The following MCTP1 variants were observed in gnomAD, a reference collection of about 807,000 sequenced individuals.
MCTP1 encodes the protein multiple C2 and transmembrane domain-containing protein 1.
In MCTP1, 69 loss-of-function variants were observed where a neutral mutation model predicts 120.6. The observed-to-expected ratio is 0.57, with a 90% CI of 0.47 to 0.70. The LOEUF is 0.70. MCTP1 is among the 30% of genes least tolerant of loss of function. The pLI is 0.00. For missense variants in MCTP1, 1,203 were observed against 1,248.8 expected (o/e 0.96, Z 0.55); for synonymous variants, 529 against 493.1 (o/e 1.07, Z -0.96).
chr5:95,133,391 G>A (rs1020452014), intron 1 of MCTP1, among the ~76,000 whole-genome samples: 2 of 152,124 alleles, frequency 1.3e-5, no homozygotes, highest in African/African-American at 4.8e-5. Context: ...CTGTAATAAG[G>A]CCGGGTGCAG....
At chr5:95,228,131 G>T (rs184006820) in intron 1 of MCTP1, among the ~76,000 whole-genome samples, 137 of 152,264 alleles carry the variant, frequency 9.0e-4, no homozygotes, top group African/African-American at 3.0e-3. Context: ...AATGATGTTT[G>T]AGACTTTGAA....
At chr5:94,774,207 CAAAAAAAAAAAAAAAAAAAA>C (rs70978130) in intron 19 of MCTP1, among the ~76,000 whole-genome samples, 14 of 4,182 alleles carry the variant, frequency 3.3e-3, no homozygotes, top group Non-Finnish European at 3.7e-3. Context: ...GACTCCGTCT[CAAAAAAAAAAAAAAAAAAAA>C]AAAAAAAAAA....
At chr5:95,107,685 G>T (rs1035936083) in intron 1 of MCTP1, among the ~76,000 whole-genome samples, 1 of 152,150 alleles carries the variant, frequency 6.6e-6, no homozygotes, top group African/African-American at 2.4e-5. Flanking sequence ...AATCTATAAA[G>T]TTCTACGAAT....
intron 19 of MCTP1, among the ~76,000 whole-genome samples, chr5:94,778,186 C>T (rs1561619806): frequency 6.7e-6 from 1 of 148,886 alleles, no homozygotes; most frequent in Non-Finnish European, 1.5e-5. Context: ...CTCCTTTCTT[C>T]AAAAAAAAAA....
intron 5 of MCTP1, among the ~76,000 whole-genome samples, chr5:94,936,322 T>A (rs563501898): frequency 3.3e-5 from 5 of 152,162 alleles, no homozygotes; most frequent in South Asian, 2.1e-4. Flanking sequence ...TTTCCCCTTG[T>A]ATCAGTGATA....
At chr5:94,933,453 T>C (rs32911) in intron 5 of MCTP1, among the ~76,000 whole-genome samples, 50,468 of 151,338 alleles carry the variant, frequency 0.33, 9,238 homozygotes, top group South Asian at 0.46. Flanking sequence ...AAACCAAATA[T>C]TTAAGTGGTA....
In MCTP1 at chr5:95,136,786, A is replaced by G. The variant is rs142731329; in HGVS notation, c.721-119302T>C. Among the ~76,000 whole-genome samples the G allele has an allele frequency of 2.8e-4, 43 of 152,328 alleles. 1 individual carries two copies. The highest frequency in any genetic ancestry group is 9.6e-4 in the African/African-American group (40 of 41,580). ...CACAATTAGGAAGAGGCACAGCCAG[A>G]GCACTAACAGAGGTCTAGATGCCTT... On this transcript the variant is annotated intron_variant, in intron 1 of 22. Transcript: ENST00000515393.
At chr5:94,956,852 A>G (rs999179846) in intron 2 of MCTP1, among the ~76,000 whole-genome samples, 3 of 152,220 alleles carry the variant, frequency 2.0e-5, no homozygotes, top group Non-Finnish European at 4.4e-5. Context: ...ACTTCAGGAT[A>G]TCCAGGAGAA....
At chr5:94,910,127 T>C (rs1231113289) in intron 9 of MCTP1, among the ~76,000 whole-genome samples, 1 of 150,978 alleles carries the variant, frequency 6.6e-6, no homozygotes, top group Non-Finnish European at 1.5e-5. Flanking sequence ...TATGTATGTA[T>C]ACATGTATAT....
chr5:94,918,088 T>C (rs1355209125), intron 7 of MCTP1, 115 bp from the exon 8 acceptor site: 3 of 735,930 alleles, frequency 4.1e-6, no homozygotes, highest in Admixed American at 2.4e-5. Context: ...AGAAAATTTG[T>C]ATTTGCTTCT....
At chr5:95,235,665 A>G (rs934178651) in intron 1 of MCTP1, among the ~76,000 whole-genome samples, 8 of 152,184 alleles carry the variant, frequency 5.3e-5, no homozygotes, top group African/African-American at 1.9e-4. Flanking sequence ...TAACTGTATC[A>G]CATTGTGATA....
At chr5:95,138,791 C>G (rs1759663103) in intron 1 of MCTP1, among the ~76,000 whole-genome samples, 1 of 152,196 alleles carries the variant, frequency 6.6e-6, no homozygotes, top group Non-Finnish European at 1.5e-5. Context: ...AGGGTGTTGT[C>G]ACTGCCTCTA....
chr5:94,816,831 T>C (rs1010370417), intron 17 of MCTP1, among the ~76,000 whole-genome samples: 1 of 152,164 alleles, frequency 6.6e-6, no homozygotes, highest in South Asian at 2.1e-4. Context: ...ATTCTAAATA[T>C]ATAAAGATTA....
At chr5:94,812,926 G>C (rs1783746300) in intron 17 of MCTP1, among the ~76,000 whole-genome samples, 1 of 145,092 alleles carries the variant, frequency 6.9e-6, no homozygotes, top group South Asian at 2.2e-4. Flanking sequence ...CTCTCTCTCT[G>C]TATAAATGTC....
intron 2 of MCTP1, chr5:94,978,969 G>C (rs1298609491): frequency 2.0e-5 from 3 of 152,044 alleles, no homozygotes; most frequent in Non-Finnish European, 2.9e-5. Flanking sequence ...AGCTGTTTGA[G>C]ATCCCTGACA....
intron 1 of MCTP1, among the ~76,000 whole-genome samples, chr5:95,234,691 G>A (rs573761166): frequency 1.1e-4 from 16 of 152,190 alleles, no homozygotes; most frequent in African/African-American, 3.6e-4. Flanking sequence ...ATTAAAAGGA[G>A]AATAATGGAA....
At chr5:94,942,466 T>G in intron 3 of MCTP1, 39 bp from the exon 4 acceptor site, 1 of 1,412,902 alleles carries the variant, frequency 7.1e-7, no homozygotes, top group South Asian at 1.2e-5. Flanking sequence ...TATAAATATC[T>G]CCAATATAAG....
chr5:95,023,292 G>A (rs1254123450), intron 1 of MCTP1, among the ~76,000 whole-genome samples: 1 of 152,194 alleles, frequency 6.6e-6, no homozygotes, highest in Non-Finnish European at 1.5e-5. Flanking sequence ...TAAGAGGGAT[G>A]AGAGTAGAGA....
intron 6 of MCTP1, among the ~76,000 whole-genome samples, chr5:94,926,085 T>C (rs571980804): frequency 9.8e-4 from 150 of 152,324 alleles, no homozygotes; most frequent in African/African-American, 3.5e-3. Flanking sequence ...AATGTGATTT[T>C]TTTCAGCCTT....
Sources: gnomAD v4.1 joint callset for allele counts (sites outside exome capture counted in the v4.1 genomes callset) on GRCh38, gnomAD v4.1.1 for gene constraint, MANE v1.5 for transcripts, NCBI Gene and HGNC (gene_info 2026-07-23, HGNC 2026-07-21) for gene names.